The following FAM210A variants were observed in gnomAD, a reference collection of about 807,000 sequenced individuals.
FAM210A encodes the protein family with sequence similarity 210 member A.
A neutral mutation model predicts 25.3 loss-of-function variants in FAM210A; 13 were observed. The observed-to-expected ratio is 0.51, with a 90% confidence interval of 0.33 to 0.82. FAM210A has a LOEUF of 0.82. Among genes scored for constraint, FAM210A ranks in the 40% least tolerant of loss-of-function variants. The pLI, the probability that FAM210A is intolerant of heterozygous loss-of-function variation, is 0.02. For missense variants in FAM210A, 319 were observed against 323.2 expected (o/e 0.99, Z 0.10); for synonymous variants, 125 against 118.7 (o/e 1.05, Z -0.35).
intron 1 of FAM210A, among the ~76,000 whole-genome samples, chr18:13,701,606 CT>C (rs1437575106): frequency 6.6e-6 from 1 of 151,988 alleles, no homozygotes; most frequent in Non-Finnish European, 1.5e-5. Context: ...TCCTCAATTT[CT>C]GGAAATCTAA....
chr18:13,692,753 T>C (rs1220082495), intron 1 of FAM210A, among the ~76,000 whole-genome samples: 1 of 152,158 alleles, frequency 6.6e-6, no homozygotes, highest in African/African-American at 2.4e-5. Context: ...AATCAGTGTG[T>C]AGAGGGAAAT....
intron 1 of FAM210A, among the ~76,000 whole-genome samples, chr18:13,711,918 G>C (rs2043824752): frequency 6.6e-6 from 1 of 152,138 alleles, no homozygotes; most frequent in Non-Finnish European, 1.5e-5. Context: ...ACAAAAAGCT[G>C]TATCAAATTC....
At chr18:13,700,534 A>G (rs2043731020) in intron 1 of FAM210A, among the ~76,000 whole-genome samples, 1 of 152,194 alleles carries the variant, frequency 6.6e-6, no homozygotes, top group Non-Finnish European at 1.5e-5. Context: ...TAACTCAGCA[A>G]AGGAATGTAG....
At chr18:13,678,900 A>T (rs2043526145) in intron 2 of FAM210A, among the ~76,000 whole-genome samples, 1 of 152,216 alleles carries the variant, frequency 6.6e-6, no homozygotes, top group African/African-American at 2.4e-5. Context: ...GAGGTCTCAA[A>T]CACAAGGCAT....
chr18:13,719,344 G>A (rs928828185), intron 1 of FAM210A, among the ~76,000 whole-genome samples: 11 of 152,144 alleles, frequency 7.2e-5, no homozygotes, highest in African/African-American at 2.2e-4. Context: ...AATTTATCAC[G>A]TCCAAGAAGT....
chr18:13,701,298 T>G (rs967122968), intron 1 of FAM210A, among the ~76,000 whole-genome samples: 1 of 152,178 alleles, frequency 6.6e-6, no homozygotes, highest in African/African-American at 2.4e-5. Context: ...TGGTCCAAAC[T>G]GGGTTTGGAA....
chr18:13,688,383 T>C (rs72886109), intron 1 of FAM210A, among the ~76,000 whole-genome samples: 30,837 of 152,152 alleles, frequency 0.2, 3,926 homozygotes, highest in East Asian at 0.34. Flanking sequence ...GAGAAGTGGC[T>C]GGACGTCAGG....
intron 1 of FAM210A, among the ~76,000 whole-genome samples, chr18:13,694,072 A>G (rs754142974): frequency 1.3e-5 from 2 of 152,222 alleles, no homozygotes; most frequent in Non-Finnish European, 2.9e-5. Flanking sequence ...GCATTCCTAT[A>G]CACCAATAAC....
intron 3 of FAM210A, among the ~76,000 whole-genome samples, chr18:13,669,578 C>A (rs757541289): frequency 1.3e-5 from 2 of 152,110 alleles, no homozygotes; most frequent in Non-Finnish European, 2.9e-5. Flanking sequence ...CAAATCCATA[C>A]CCCCATCCCT....
intron 1 of FAM210A, among the ~76,000 whole-genome samples, chr18:13,720,372 T>C (rs537355042): frequency 2.0e-5 from 3 of 152,106 alleles, no homozygotes; most frequent in African/African-American, 7.2e-5. Context: ...ACTAGCAGTA[T>C]TTTAGGTCAC....
chr18:13,668,187 A>T (rs2043416141), intron 3 of FAM210A, among the ~76,000 whole-genome samples: 1 of 152,170 alleles, frequency 6.6e-6, no homozygotes, highest in Non-Finnish European at 1.5e-5. Context: ...CTTCACCAAA[A>T]CTGCTTTCAA....
chr18:13,719,561 C>T (rs2043884002), intron 1 of FAM210A, among the ~76,000 whole-genome samples: 1 of 152,118 alleles, frequency 6.6e-6, no homozygotes, highest in Non-Finnish European at 1.5e-5. Flanking sequence ...CCATTCTTTG[C>T]CCACTGCTGC....
intron 1 of FAM210A, among the ~76,000 whole-genome samples, chr18:13,712,374 G>T (rs1368814094): frequency 6.6e-6 from 1 of 152,152 alleles, no homozygotes; most frequent in African/African-American, 2.4e-5. Flanking sequence ...CCTAAAAATT[G>T]TAAGAAAATT....
At chr18:13,685,153 G>T (rs763507412) in intron 1 of FAM210A, among the ~76,000 whole-genome samples, 13 of 152,052 alleles carry the variant, frequency 8.5e-5, no homozygotes, top group Non-Finnish European at 1.8e-4. Context: ...TCCATCAGAG[G>T]GGTTTTATTT....
At chr18:13,678,025 TA>T (rs1419948742) in intron 2 of FAM210A, among the ~76,000 whole-genome samples, 14 of 152,136 alleles carry the variant, frequency 9.2e-5, no homozygotes, top group Non-Finnish European at 2.1e-4. Context: ...AGAGATGAAT[TA>T]AAAAATAAAC....
At chr18:13,688,864 C>G (rs2043619364) in intron 1 of FAM210A, among the ~76,000 whole-genome samples, 1 of 152,260 alleles carries the variant, frequency 6.6e-6, no homozygotes, top group Non-Finnish European at 1.5e-5. Context: ...GGTTCCTGCA[C>G]TCACTTGCCT....
intron 1 of FAM210A, among the ~76,000 whole-genome samples, chr18:13,694,231 C>A (rs1300851973): frequency 6.6e-6 from 1 of 151,070 alleles, no homozygotes. Context: ...AAAGAGGACA[C>A]AAACAAATGG....
chr18:13,701,454 C>T lies in FAM210A; in HGVS notation c.-28-19349G>A, dbSNP rs141381414. On this transcript the variant is annotated intron_variant, in intron 1 of 3. Coordinates refer to ENST00000651643, the MANE Select transcript of FAM210A (RefSeq NM_152352.4). The stretch of plus-strand genomic sequence containing the variant: ...ATATTGCAGGGGTTGTAAAATTTGG[C>T]TTTTAAAAATTTGCAAGGATTTTTG... Among the ~76,000 whole-genome samples the T allele has an allele frequency of 3.9e-3, 590 of 150,890 alleles. 4 individuals carry two copies. Among genetic ancestry groups the T allele is most frequent in the East Asian group, 0.029 (151 of 5,172 alleles).
At position 13,665,499 on chromosome 18, in the gene FAM210A, G is replaced by A. The variant is rs1488465074; in HGVS notation, c.*981C>T. 1 of 151,068 alleles carries A rather than the reference G, an allele frequency of 6.6e-6. No individual in the cohort carries two copies. The highest frequency in any genetic ancestry group is 2.4e-5 in the African/African-American group (1 of 41,052). The allele number at this position is 151,068 out of a possible 1,614,324, so 9.4% of individuals were successfully genotyped here. A position where few individuals can be genotyped will look rare whatever the true frequency, so the allele number is the denominator to read the frequency against. On this transcript the variant is annotated 3_prime_UTR_variant, in exon 4 of 4. Coordinates refer to ENST00000651643, the MANE Select transcript of FAM210A (RefSeq NM_152352.4). Reference sequence around the variant, plus strand: ...AAAACTTTACTCCATAATGAAATCAGCATGAATTCTGAAACTAAGACATTG... The same window carrying A: ...AAAACTTTACTCCATAATGAAATCAACATGAATTCTGAAACTAAGACATTG...
Sources: allele counts gnomAD v4.1 joint callset (sites outside exome capture counted in the v4.1 genomes callset), GRCh38; gene constraint gnomAD v4.1.1; transcripts MANE v1.5; gene names NCBI Gene and HGNC (gene_info 2026-07-23, HGNC 2026-07-21).